Variants in ZFYVE27 observed in about 807,000 individuals in gnomAD.
ZFYVE27 encodes protrudin.
In ZFYVE27, 36 loss-of-function variants were observed where a neutral mutation model predicts 52.8. The observed-to-expected ratio is 0.68, with a 90% CI of 0.52 to 0.90. ZFYVE27 has a LOEUF of 0.90. Ranked by LOEUF, ZFYVE27 falls within the 40% of genes least tolerant of loss-of-function variation. The pLI is 0.00. For synonymous variants in ZFYVE27, 223 were observed against 215.6 expected (o/e 1.03, Z -0.30); for missense variants, 450 against 527.2 (o/e 0.85, Z 1.43).
At position 97,744,923 on chromosome 10, in the gene ZFYVE27, T is replaced by C. The variant is rs776123669; in HGVS notation, c.455+8T>C. ...GGCTGAGGTGAAGAGCTTGTGAGTA[T>C]GGAAGAGAGGCCAGGGAGGTGGGGG... is the stretch of plus-strand genomic sequence containing the variant. On this transcript the variant is annotated splice_region_variant and intron_variant, in intron 4 of 12. Transcript: ENST00000684270. 3.2e-6 allele frequency: 5 copies of C among 1,562,218 alleles called. No homozygotes were observed. In the African/African-American group the frequency reaches 6.8e-5, roughly 21 times the overall value.
intron 7 of ZFYVE27, 87 bp downstream of exon 7, chr10:97,750,557 C>T: frequency 1.9e-6 from 3 of 1,572,090 alleles, no homozygotes; most frequent in East Asian, 2.3e-5. Flanking sequence ...GGGCTGGCCT[C>T]TGTTGTAGTT....
intron 10 of ZFYVE27, 121 bp from the exon 11 acceptor site, chr10:97,757,144 A>G (rs1590108542): frequency 1.3e-5 from 18 of 1,406,174 alleles, no homozygotes; most frequent in Non-Finnish European, 1.7e-5. Context: ...TCCCTGGCTC[A>G]CTGTGTCCAG....
At chr10:97,756,662 C>T (rs77806117) in intron 10 of ZFYVE27, among the ~76,000 whole-genome samples, 3,867 of 152,312 alleles carry the variant, frequency 0.025, 111 homozygotes, top group African/African-American at 0.074. Flanking sequence ...TTAGGCAGGA[C>T]CTCTCCCTGC....
intron 5 of ZFYVE27, among the ~76,000 whole-genome samples, chr10:97,749,074 G>A (rs1013517865): frequency 2.0e-5 from 3 of 152,154 alleles, no homozygotes; most frequent in African/African-American, 7.2e-5. Context: ...ACTCTATTAG[G>A]TAGGCGCTAC....
intron 2 of ZFYVE27, among the ~76,000 whole-genome samples, chr10:97,741,682 C>T (rs1360951213): frequency 2.0e-5 from 3 of 152,092 alleles, no homozygotes; most frequent in African/African-American, 7.2e-5. Flanking sequence ...TTGATGGGTG[C>T]AGCAAACCAC....
chr10:97,757,336 G>A (rs749434025), intron 11 of ZFYVE27, 25 bp downstream of exon 11: 1 of 1,614,142 alleles, frequency 6.2e-7, no homozygotes, highest in Admixed American at 1.7e-5. Flanking sequence ...GGGTGCATTT[G>A]TTGGGGACAG....
In ZFYVE27 at chr10:97,749,583, C is replaced by T. The variant is rs1202539388; in HGVS notation, c.661C>T (p.Arg221Ter). ...TLFLGNVEFFRVVSEYRASLQ... is the reference protein window; with the variant it reads ...TLFLGNVEFF ...CTTTCTGGGGAATGTGGAGTTCTTC[C>T]GAGGTAAGCCCTGAAGGGCCTGAAA... The change falls in exon 6 of 13, where the codon CGA becomes TGA. Residue 221 changes from arginine to a stop codon, truncating the protein, a stop_gained. Coordinates refer to ENST00000684270, the MANE Select transcript of ZFYVE27 (RefSeq NM_001385875.1). LOFTEE classifies it high-confidence loss of function. 4.3e-6 allele frequency: 7 copies of T among 1,613,716 alleles called. No individual in the cohort carries two copies. The highest frequency in any genetic ancestry group is 1.3e-5 in the African/African-American group (1 of 74,902).
intron 10 of ZFYVE27, chr10:97,754,690 C>T: frequency 7.8e-7 from 1 of 1,289,382 alleles, no homozygotes; most frequent in Non-Finnish European, 1.0e-6. Flanking sequence ...ACCCTCCATA[C>T]TTGCACATGT....
At chr10:97,740,228 A>G (rs1215949048) in intron 2 of ZFYVE27, among the ~76,000 whole-genome samples, 6 of 152,140 alleles carry the variant, frequency 3.9e-5, no homozygotes, top group African/African-American at 1.4e-4. Flanking sequence ...GAAATAGTGG[A>G]TGTTTTGTTA....
intron 4 of ZFYVE27, among the ~76,000 whole-genome samples, chr10:97,746,625 G>C (rs1326246077): frequency 6.6e-6 from 1 of 151,636 alleles, no homozygotes; most frequent in Non-Finnish European, 1.5e-5. Flanking sequence ...ATTCGTAATC[G>C]GATTTTACCA....
In ZFYVE27 at chr10:97,755,593, G is replaced by A. The variant is rs2048155116; in HGVS notation, c.1043-1672G>A. Reference sequence around the variant, plus strand: ...CACGAGGGCTCCACCCTCATGACCCGGTCACCTCCCAGGGGCCCTGCTTTG... The same window carrying A: ...CACGAGGGCTCCACCCTCATGACCCAGTCACCTCCCAGGGGCCCTGCTTTG... On this transcript the variant is annotated intron_variant, in intron 10 of 12. Coordinates refer to ENST00000684270, the MANE Select transcript of ZFYVE27 (RefSeq NM_001385875.1). 2.0e-5 allele frequency among the ~76,000 whole-genome samples: 3 copies of A among 152,206 alleles called. No individual in the cohort carries two copies. In the South Asian group the frequency reaches 6.2e-4, roughly 31 times the overall value.
intron 10 of ZFYVE27, among the ~76,000 whole-genome samples, chr10:97,754,313 C>CT (rs35784590): frequency 0.036 from 4,658 of 130,648 alleles, 96 homozygotes; most frequent in South Asian, 0.05. Context: ...TTCAAGATCC[C>CT]TTTTTTTTTT....
At position 97,738,476 on chromosome 10, in the gene ZFYVE27, G is replaced by A; in HGVS notation, c.-1-1G>A. Reference sequence around the variant, plus strand: ...AATGTTGGGAATTATTATGGTTACAGGATGCAGACATCAGAACGTGAGGGG... The same window carrying A: ...AATGTTGGGAATTATTATGGTTACAAGATGCAGACATCAGAACGTGAGGGG... On this transcript the variant is annotated splice_acceptor_variant, in intron 1 of 12. Coordinates refer to ENST00000684270, the MANE Select transcript of ZFYVE27 (RefSeq NM_001385875.1). LOFTEE classifies it low-confidence loss of function (5UTR_SPLICE). The A allele has an allele frequency of 1.2e-6, 2 of 1,613,950 alleles. No homozygotes were observed. The highest frequency in any genetic ancestry group is 1.7e-6 in the Non-Finnish European group (2 of 1,180,030).
intron 6 of ZFYVE27, 46 bp from the exon 7 acceptor site, chr10:97,750,285 G>C: frequency 6.2e-7 from 1 of 1,611,128 alleles, no homozygotes; most frequent in Non-Finnish European, 8.5e-7. Flanking sequence ...TGCCACTCAC[G>C]GTGTCTCATT....
intron 4 of ZFYVE27, 138 bp from the exon 5 acceptor site, chr10:97,748,131 C>T (rs1245970987): frequency 1.3e-5 from 11 of 829,968 alleles, no homozygotes; most frequent in East Asian, 2.7e-5. Context: ...CATGCTCTCT[C>T]GACTCCTCTC....
At chr10:97,757,430 C>A in intron 11 of ZFYVE27, 119 bp downstream of exon 11, 1 of 1,470,378 alleles carries the variant, frequency 6.8e-7, no homozygotes, top group Non-Finnish European at 9.5e-7. Flanking sequence ...CTGGCAGTGG[C>A]TTTCTGGAGT....
intron 10 of ZFYVE27, among the ~76,000 whole-genome samples, chr10:97,755,537 G>A (rs1017953131): frequency 6.6e-6 from 1 of 152,114 alleles, no homozygotes; most frequent in African/African-American, 2.4e-5. Flanking sequence ...CAGTTCTCTG[G>A]GGCCTCTTTT....
chr10:97,742,127 C>T (rs1466318793), intron 2 of ZFYVE27, among the ~76,000 whole-genome samples: 3 of 143,346 alleles, frequency 2.1e-5, no homozygotes, highest in African/African-American at 8.0e-5. Flanking sequence ...GAGACTCTGT[C>T]TCAAAAGAAA....
intron 4 of ZFYVE27, among the ~76,000 whole-genome samples, chr10:97,746,338 G>A (rs1041465052): frequency 2.8e-4 from 42 of 152,082 alleles, no homozygotes; most frequent in South Asian, 8.3e-4. Context: ...ATGAGCCACC[G>A]CACCCAGCCT....
Sources: gnomAD v4.1 joint callset for allele counts (sites outside exome capture counted in the v4.1 genomes callset) on GRCh38, gnomAD v4.1.1 for gene constraint, MANE v1.5 for transcripts, NCBI Gene and HGNC (gene_info 2026-07-23, HGNC 2026-07-21) for gene names.